Variants in P2RY6 observed in about 807,000 individuals in gnomAD.
P2RY6 encodes the protein P2Y purinoceptor 6.
Under a neutral mutation model 16.3 loss-of-function variants are expected in P2RY6, and 19 were observed. The ratio of observed to expected loss-of-function variants is 1.16; its 90% CI spans 0.81 to 1.71. The LOEUF is 1.71. Ranked by LOEUF, P2RY6 falls within the 40% of genes most tolerant of loss-of-function variation. P2RY6 has a pLI of 0.00. For synonymous variants in P2RY6, 184 were observed against 201.5 expected (o/e 0.91, Z 0.74); for missense variants, 389 against 455.5 (o/e 0.85, Z 1.33).
chr11:73,289,341 T>G (rs528250215), intron 1 of P2RY6: 2 of 152,346 alleles, frequency 1.3e-5, no homozygotes, highest in Admixed American at 1.3e-4. Context: ...GGTGGATGCT[T>G]GAGGCCAGGG....
At chr11:73,271,272 C>T (rs538800455), upstream of P2RY6, among the ~76,000 whole-genome samples, 41 of 152,126 alleles carry the variant, frequency 2.7e-4, 1 homozygote, top group Non-Finnish European at 5.0e-4. Context: ...TCAGCCTTTC[C>T]CCCCCGGCAT....
At chr11:73,281,229 G>A (rs976670191) in intron 1 of P2RY6, among the ~76,000 whole-genome samples, 10 of 152,238 alleles carry the variant, frequency 6.6e-5, no homozygotes, top group Admixed American at 3.3e-4. Flanking sequence ...CAGCTCATCC[G>A]CGCCCTCAGC....
At chr11:73,292,434 A>G (rs1393062038) in intron 1 of P2RY6, among the ~76,000 whole-genome samples, 3 of 152,146 alleles carry the variant, frequency 2.0e-5, no homozygotes, top group Non-Finnish European at 4.4e-5. Context: ...TGGGAGGAGG[A>G]ATGGACACCC....
chr11:73,271,098 T>C (rs1478951647), upstream of P2RY6, among the ~76,000 whole-genome samples: 2 of 152,194 alleles, frequency 1.3e-5, no homozygotes, highest in East Asian at 3.9e-4. Context: ...AGGTGGCCAA[T>C]AAGTACCTGT....
At chr11:73,281,351 C>A (rs1024347098) in intron 1 of P2RY6, among the ~76,000 whole-genome samples, 1 of 152,234 alleles carries the variant, frequency 6.6e-6, no homozygotes, top group Non-Finnish European at 1.5e-5. Flanking sequence ...CCCAAGCCCA[C>A]CCTGGGAAAG....
At chr11:73,292,785 A>G in intron 1 of P2RY6, 2 of 985,264 alleles carry the variant, frequency 2.0e-6, no homozygotes, top group Non-Finnish European at 2.4e-6. Flanking sequence ...CTGCCAGGAA[A>G]CAGAGGAAGC....
chr11:73,297,338 A>G lies in P2RY6; in HGVS notation c.820A>G (p.Thr274Ala). 6.2e-7 allele frequency: 1 copy of G among 1,612,236 alleles called. No homozygotes were observed. Among genetic ancestry groups the G allele is most frequent in the Non-Finnish European group, 8.5e-7 (1 of 1,179,886 alleles). Reference sequence around the variant, plus strand: ...GCGCTCGACGCCGGGCGTCCCCTGCACTGTATTGGAGGCCTTTGCAGCGGC... The same window carrying G: ...GCGCTCGACGCCGGGCGTCCCCTGCGCTGTATTGGAGGCCTTTGCAGCGGC... ...AVRSTPGVPC[T>A]VLEAFAAAYK... The change falls in exon 3 of 3, where the codon ACT (threonine) becomes GCT (alanine). Residue 274 changes from threonine (T) to alanine (A), a missense_variant. Transcript: ENST00000540124.
chr11:73,293,223 T>C (rs942616667), intron 1 of P2RY6, among the ~76,000 whole-genome samples: 2 of 152,108 alleles, frequency 1.3e-5, no homozygotes, highest in Non-Finnish European at 2.9e-5. Context: ...GGAAAGGGAT[T>C]CTGGCTCTCT....
At chr11:73,279,245 A>C (rs1247939127) in intron 1 of P2RY6, among the ~76,000 whole-genome samples, 1 of 152,022 alleles carries the variant, frequency 6.6e-6, no homozygotes, top group Non-Finnish European at 1.5e-5. Context: ...AGTTTGTAGG[A>C]GTTCTTTATA....
intron 1 of P2RY6, among the ~76,000 whole-genome samples, chr11:73,284,981 C>T (rs114092903): frequency 2.3e-4 from 35 of 152,320 alleles, no homozygotes; most frequent in African/African-American, 5.5e-4. Context: ...CATGCACATG[C>T]GTTGCGTAGG....
intron 1 of P2RY6, among the ~76,000 whole-genome samples, chr11:73,286,927 G>T (rs972647348): frequency 6.6e-6 from 1 of 152,180 alleles, no homozygotes; most frequent in Non-Finnish European, 1.5e-5. Context: ...CAGTTTTCTC[G>T]TAGGGAAATG....
intron 1 of P2RY6, among the ~76,000 whole-genome samples, chr11:73,289,800 T>C (rs970733413): frequency 6.6e-6 from 1 of 152,214 alleles, no homozygotes. Flanking sequence ...CTGGCTGGGA[T>C]AGCTTGGAAA....
intron 1 of P2RY6, chr11:73,292,884 G>T (rs1864317151): frequency 1.0e-6 from 1 of 985,128 alleles, no homozygotes; most frequent in African/African-American, 1.8e-5. Context: ...CAACACACTT[G>T]GGACCACCAG....
At chr11:73,290,793 G>A (rs572810735) in intron 1 of P2RY6, among the ~76,000 whole-genome samples, 7 of 152,314 alleles carry the variant, frequency 4.6e-5, no homozygotes, top group Admixed American at 1.3e-4. Flanking sequence ...TCCCTCCCGG[G>A]CCCTGCCCCC....
At chr11:73,285,815 G>C (rs891620469) in intron 1 of P2RY6, among the ~76,000 whole-genome samples, 6 of 152,230 alleles carry the variant, frequency 3.9e-5, no homozygotes, top group African/African-American at 1.4e-4. Flanking sequence ...CTGGGACCTG[G>C]ACATGTGCCT....
At chr11:73,269,648 A>G (rs1481954585), upstream of P2RY6, among the ~76,000 whole-genome samples, 4 of 152,186 alleles carry the variant, frequency 2.6e-5, no homozygotes, top group Admixed American at 6.5e-5. Flanking sequence ...CTTAGGCACA[A>G]TTCCAAACAC....
intron 1 of P2RY6, 92 bp from the exon 2 acceptor site, chr11:73,295,638 G>A: frequency 3.5e-6 from 1 of 286,042 alleles, no homozygotes; most frequent in Non-Finnish European, 5.3e-6. Context: ...GAGGCGCTGT[G>A]TTGTCAGAGG....
At chr11:73,283,022 A>G (rs1029967762) in intron 1 of P2RY6, among the ~76,000 whole-genome samples, 14 of 152,186 alleles carry the variant, frequency 9.2e-5, no homozygotes, top group African/African-American at 2.7e-4. Flanking sequence ...TAAGCTGCAG[A>G]GTCAGGACGG....
At chr11:73,294,884 G>A (rs1302505964) in intron 1 of P2RY6, among the ~76,000 whole-genome samples, 1 of 152,130 alleles carries the variant, frequency 6.6e-6, no homozygotes, top group African/African-American at 2.4e-5. Flanking sequence ...GGAGAACAGA[G>A]GTTAACTAGT....
Sources: gnomAD v4.1 joint callset for allele counts (sites outside exome capture counted in the v4.1 genomes callset) on GRCh38, gnomAD v4.1.1 for gene constraint, MANE v1.5 for transcripts, NCBI Gene and HGNC (gene_info 2026-07-23, HGNC 2026-07-21) for gene names.